SNX8: variants seen among roughly 807,000 people sequenced by gnomAD.
SNX8 encodes the protein sorting nexin-8.
A neutral mutation model predicts 51.6 loss-of-function variants in SNX8; 25 were observed. That is an observed-to-expected ratio of 0.48 (90% CI 0.35 to 0.68). The LOEUF is 0.68. Ranked by LOEUF, SNX8 falls within the 30% of genes least tolerant of loss-of-function variation. The probability of loss-of-function intolerance (pLI) is 0.00; values close to 1 mark genes in which losing one functional copy is unlikely to be tolerated. For missense variants in SNX8, 695 were observed against 624.0 expected, an observed-to-expected ratio of 1.11 and a Z score of -1.21; for synonymous variants, 324 against 277.0, an observed-to-expected ratio of 1.17 and a Z score of -1.68.
Position 2,257,427 on chromosome 7 carries a change from T to TC in SNX8, c.1071dup (p.Ser358GlufsTer133). 1 of 1,610,784 alleles carries TC rather than the reference T, an allele frequency of 6.2e-7. No homozygotes were observed. The highest frequency in any genetic ancestry group is 8.5e-7 in the Non-Finnish European group (1 of 1,179,418). ...GGCTCGCGGTTCTGCGCGGTGGCGC[T>TC]CATCATCTGCCTCTTCATCAGGCTG... On this transcript the variant is annotated frameshift_variant, in exon 9 of 11. Transcript: ENST00000222990. LOFTEE classifies it high-confidence loss of function.
At chr7:2,294,390 G>T (rs11520750) in intron 1 of SNX8, among the ~76,000 whole-genome samples, 4 of 152,004 alleles carry the variant, frequency 2.6e-5, no homozygotes, top group Non-Finnish European at 5.9e-5. Flanking sequence ...GCAAGGACTT[G>T]GAGATTGGAG....
At chr7:2,274,302 CG>C (rs1417778170) in intron 3 of SNX8, among the ~76,000 whole-genome samples, 1 of 152,248 alleles carries the variant, frequency 6.6e-6, no homozygotes, top group African/African-American at 2.4e-5. Context: ...ATTTCAGATG[CG>C]GGGAACTGGC....
At chr7:2,340,494 G>T (rs1392526472) in intron 1 of SNX8, among the ~76,000 whole-genome samples, 2 of 151,086 alleles carry the variant, frequency 1.3e-5, no homozygotes, top group Admixed American at 1.3e-4. Context: ...TCTTTTAATG[G>T]TTATTCTAGG....
chr7:2,323,421 C>T (rs957124919), intron 1 of SNX8, among the ~76,000 whole-genome samples: 7 of 151,560 alleles, frequency 4.6e-5, no homozygotes, highest in African/African-American at 1.7e-4. Flanking sequence ...CTAATAATGG[C>T]TAATGAGTTG....
chr7:2,311,864 G>A (rs990928564), intron 1 of SNX8, among the ~76,000 whole-genome samples: 4 of 151,130 alleles, frequency 2.6e-5, no homozygotes, highest in African/African-American at 4.9e-5. Flanking sequence ...ATGAACCCGG[G>A]AGGCAGAGCT....
chr7:2,257,227 C>T lies in SNX8; in HGVS notation c.1134+138G>A, dbSNP rs1049934683. On this transcript the variant is annotated intron_variant, in intron 9 of 10. Coordinates refer to ENST00000222990, the MANE Select transcript of SNX8 (RefSeq NM_013321.4). ...TCGCTCTGGGCACGCGGGCCAGCTCCCTGCCTCCACTGCACCCCCAGCTCT... is the reference window on the plus strand; with the variant it reads ...TCGCTCTGGGCACGCGGGCCAGCTCTCTGCCTCCACTGCACCCCCAGCTCT... 4 of 1,194,006 alleles carry T rather than the reference C, an allele frequency of 3.4e-6. No homozygotes were observed. In the South Asian group the frequency reaches 6.1e-5, roughly 18 times the overall value. The allele number at this position is 1,194,006 out of a possible 1,614,324, so 74.0% of individuals were successfully genotyped here. A position where few individuals can be genotyped will look rare whatever the true frequency, so the allele number is the denominator to read the frequency against.
intron 1 of SNX8, among the ~76,000 whole-genome samples, chr7:2,335,160 C>T (rs1173897457): frequency 6.6e-6 from 1 of 151,858 alleles, no homozygotes; most frequent in Non-Finnish European, 1.5e-5. Flanking sequence ...CATGCCACTG[C>T]ACTCCAGCCT....
Position 2,255,023 on chromosome 7 carries a change from C to G in SNX8, c.*33G>C. The G allele has an allele frequency of 7.2e-7, 1 of 1,389,444 alleles. No individual in the cohort carries two copies. The highest frequency in any genetic ancestry group is 1.0e-6 in the Non-Finnish European group (1 of 1,000,498). The allele number at this position is 1,389,444 out of a possible 1,614,324, so 86.1% of individuals were successfully genotyped here. On this transcript the variant is annotated 3_prime_UTR_variant, in exon 11 of 11. Coordinates refer to ENST00000222990, the MANE Select transcript of SNX8 (RefSeq NM_013321.4). ...CACCGTTTGGAAAGAGGTTTTAGTGCGGCCGCAGGGAGCACCACCTCAGCC... is the reference window on the plus strand; with the variant it reads ...CACCGTTTGGAAAGAGGTTTTAGTGGGGCCGCAGGGAGCACCACCTCAGCC...
chr7:2,290,205 AAAAT>A (rs996483286), intron 1 of SNX8, among the ~76,000 whole-genome samples: 3 of 152,094 alleles, frequency 2.0e-5, no homozygotes, highest in Admixed American at 1.3e-4. Context: ...AATAAATGAA[AAAAT>A]AAATAAATAA....
At chr7:2,268,117 G>A (rs1323674781) in intron 5 of SNX8, among the ~76,000 whole-genome samples, 1 of 146,920 alleles carries the variant, frequency 6.8e-6, no homozygotes, top group Non-Finnish European at 1.5e-5. Flanking sequence ...AGGGAGGTGG[G>A]GGGGTCAGCC....
intron 3 of SNX8, among the ~76,000 whole-genome samples, chr7:2,272,798 T>A (rs1194387682): frequency 6.6e-6 from 1 of 152,154 alleles, no homozygotes; most frequent in Non-Finnish European, 1.5e-5. Flanking sequence ...ACTGATGCAT[T>A]CAGGACATTT....
intron 2 of SNX8, 126 bp from the exon 3 acceptor site, chr7:2,275,355 T>A (rs1269583325): frequency 7.0e-6 from 5 of 715,836 alleles, no homozygotes; most frequent in Non-Finnish European, 1.3e-5. Context: ...CTTTACTAAA[T>A]GGAGAAACCC....
rs1366060167 is a variant in SNX8 at position 2,252,020 on chromosome 7, G to A, written c.*3036C>T. ...TCCCCTGCCTGCACTGTGTCCGGCA[G>A]ACAAAGGGCAGCTGTCTGCACGGTG... On this transcript the variant is annotated 3_prime_UTR_variant, in exon 11 of 11. Transcript: ENST00000222990. The A allele has an allele frequency of 3.9e-5, 6 of 152,244 alleles. No homozygotes were observed. Among genetic ancestry groups the A allele is most frequent in the Non-Finnish European group, 1.5e-5 (1 of 68,070 alleles). 9.4% of individuals were successfully genotyped at this position (152,244 alleles called of 1,614,324 possible). A position where few individuals can be genotyped will look rare whatever the true frequency, so the allele number is the denominator to read the frequency against.
chr7:2,282,786 G>A (rs1158850800), intron 1 of SNX8, among the ~76,000 whole-genome samples: 1 of 152,098 alleles, frequency 6.6e-6, no homozygotes, highest in Non-Finnish European at 1.5e-5. Context: ...AGGCCTGCCT[G>A]GCCAACGTGG....
chr7:2,349,750 TAAGAC>T (rs929678975), intron 1 of SNX8, among the ~76,000 whole-genome samples: 3 of 152,168 alleles, frequency 2.0e-5, no homozygotes, highest in African/African-American at 7.2e-5. Flanking sequence ...TAGCTTTTCT[TAAGAC>T]AAGGTCTCAC....
rs34590431 is a variant in SNX8 at position 2,276,642 on chromosome 7, T to TAAA, written c.301-1416_301-1414dup. ...ACATAGCAAGTCTCCATTTGTACTT[T>TAAA]AAAAAAAAAAAAAAAAAAAAGACTG... is the stretch of plus-strand genomic sequence containing the variant. On this transcript the variant is annotated intron_variant, in intron 2 of 10. Coordinates refer to ENST00000222990, the MANE Select transcript of SNX8 (RefSeq NM_013321.4). 2.3e-5 allele frequency among the ~76,000 whole-genome samples: 3 copies of TAAA among 128,430 alleles called. No homozygotes were observed. In the East Asian group the frequency reaches 6.8e-4, roughly 29 times the overall value. The allele number at this position is 128,430 out of a possible 152,430, so 84.3% of individuals were successfully genotyped here. A position where few individuals can be genotyped will look rare whatever the true frequency, so the allele number is the denominator to read the frequency against.
intron 1 of SNX8, among the ~76,000 whole-genome samples, chr7:2,304,475 C>A (rs1796501602): frequency 6.6e-6 from 1 of 151,734 alleles, no homozygotes; most frequent in Admixed American, 6.6e-5. Context: ...ACCCGGGAGG[C>A]GGAGCTTGCA....
chr7:2,295,402 C>CAA (rs35446427), intron 1 of SNX8, among the ~76,000 whole-genome samples: 2,334 of 91,824 alleles, frequency 0.025, 54 homozygotes, highest in Non-Finnish European at 0.038. Flanking sequence ...TACTCCATCT[C>CAA]AAAAAAAAAA....
chr7:2,318,928 AG>A (rs1796794243), upstream of SNX8, among the ~76,000 whole-genome samples: 1 of 151,908 alleles, frequency 6.6e-6, no homozygotes, highest in South Asian at 2.1e-4. Context: ...GGATTGCTTG[AG>A]CCCAGGATGT....
Sources: allele counts gnomAD v4.1 joint callset (sites outside exome capture counted in the v4.1 genomes callset), GRCh38; gene constraint gnomAD v4.1.1; transcripts MANE v1.5; gene names NCBI Gene and HGNC (gene_info 2026-07-23, HGNC 2026-07-21).